Variants in FBXL13 observed in about 807,000 individuals in gnomAD.
FBXL13 encodes F-box and leucine-rich repeat protein 13.
A neutral mutation model predicts 83.6 loss-of-function variants in FBXL13; 67 were observed. That is an observed-to-expected ratio of 0.80 (90% CI 0.66 to 0.98). The LOEUF (loss-of-function observed/expected upper bound fraction) is 0.98. Among genes scored for constraint, FBXL13 ranks in the 50% least tolerant of loss-of-function variants. The pLI is 0.00. For synonymous variants in FBXL13, 272 were observed against 299.5 expected (o/e 0.91, Z 0.95); for missense variants, 822 against 866.5 (o/e 0.95, Z 0.64).
chr7:102,865,618 T>A (rs1193643175), intron 16 of FBXL13, among the ~76,000 whole-genome samples: 1 of 152,190 alleles, frequency 6.6e-6, no homozygotes, highest in Non-Finnish European at 1.5e-5. Flanking sequence ...CTCAGTTCAC[T>A]GCAACCTCTC....
At chr7:102,840,672 A>T (rs993916719) in intron 17 of FBXL13, among the ~76,000 whole-genome samples, 1 of 152,124 alleles carries the variant, frequency 6.6e-6, no homozygotes, top group African/African-American at 2.4e-5. Context: ...TTCACCTCCC[A>T]TTTGCGGACA....
chr7:102,973,808 C>T, intron 6 of FBXL13: 2 of 731,002 alleles, frequency 2.7e-6, no homozygotes, highest in South Asian at 2.8e-5. Context: ...AAGGAAAAAT[C>T]CATACAGCCT....
intron 14 of FBXL13, among the ~76,000 whole-genome samples, chr7:102,882,920 A>T (rs558166448): frequency 2.6e-5 from 4 of 152,258 alleles, no homozygotes; most frequent in African/African-American, 9.6e-5. Context: ...GGAAAAATCT[A>T]TCCAGTACCC....
intron 2 of FBXL13, among the ~76,000 whole-genome samples, chr7:103,051,199 A>C (rs1205963554): frequency 6.6e-6 from 1 of 152,218 alleles, no homozygotes; most frequent in Non-Finnish European, 1.5e-5. Context: ...AAAATGAAAC[A>C]AAGGGGTAGA....
chr7:102,908,556 G>C (rs1210722298), intron 11 of FBXL13, among the ~76,000 whole-genome samples: 1 of 152,210 alleles, frequency 6.6e-6, no homozygotes, highest in Non-Finnish European at 1.5e-5. Flanking sequence ...TTCTTGGGAA[G>C]GCCTTCCAGA....
At chr7:102,867,686 TATATA>T (rs1563016760) in intron 16 of FBXL13, among the ~76,000 whole-genome samples, 2 of 85,322 alleles carry the variant, frequency 2.3e-5, no homozygotes, top group East Asian at 4.1e-4. Context: ...TATATATATA[TATATA>T]TATATTTTTT....
At chr7:103,061,643 T>TA (rs1238522756) in intron 1 of FBXL13, among the ~76,000 whole-genome samples, 4 of 150,842 alleles carry the variant, frequency 2.7e-5, no homozygotes, top group East Asian at 3.9e-4. Context: ...ATTAGTCTCT[T>TA]AAAAAAAAAT....
intron 11 of FBXL13, among the ~76,000 whole-genome samples, chr7:102,887,178 C>T (rs1810912737): frequency 6.6e-6 from 1 of 152,076 alleles, no homozygotes; most frequent in Admixed American, 6.6e-5. Flanking sequence ...AAATGTGGTC[C>T]ATAGACCAGC....
intron 17 of FBXL13, among the ~76,000 whole-genome samples, chr7:102,850,316 A>C (rs1268059839): frequency 6.6e-6 from 1 of 152,130 alleles, no homozygotes; most frequent in Non-Finnish European, 1.5e-5. Flanking sequence ...AACTTTGGCC[A>C]ATACTCCTTC....
intron 6 of FBXL13, among the ~76,000 whole-genome samples, chr7:102,995,364 C>T (rs1239050514): frequency 1.3e-5 from 2 of 151,426 alleles, no homozygotes; most frequent in Non-Finnish European, 1.5e-5. Flanking sequence ...GCCTGTAGTC[C>T]CAACTACTCG....
Position 102,875,195 on chromosome 7 carries a change from C to A in FBXL13, c.1635+2272G>T, listed in dbSNP as rs117428890. 5.6e-4 allele frequency among the ~76,000 whole-genome samples: 86 copies of A among 152,298 alleles called. No homozygotes were observed. In the East Asian group the frequency reaches 0.014, roughly 26 times the overall value. ...AGGATAAAAATCCTGGGCCTTTAAG[C>A]TTCAAAAGCCCAAGCCCTGAAAGAC... On this transcript the variant is annotated intron_variant, in intron 16 of 19. Coordinates refer to ENST00000313221, the Ensembl canonical transcript of FBXL13.
At chr7:103,043,148 A>G (rs1369669348) in intron 2 of FBXL13, among the ~76,000 whole-genome samples, 1 of 152,234 alleles carries the variant, frequency 6.6e-6, no homozygotes, top group African/African-American at 2.4e-5. Context: ...ACCATATCAA[A>G]AAGTGGGCAA....
chr7:103,059,239 C>A (rs1797627579), intron 1 of FBXL13, among the ~76,000 whole-genome samples: 1 of 152,190 alleles, frequency 6.6e-6, no homozygotes, highest in South Asian at 2.1e-4. Flanking sequence ...TATCACAACA[C>A]TCTACTGCAG....
intron 2 of FBXL13, among the ~76,000 whole-genome samples, chr7:103,037,658 T>C (rs566260717): frequency 2.2e-4 from 34 of 151,806 alleles, no homozygotes; most frequent in African/African-American, 8.0e-4. Flanking sequence ...AAAAAAAAAT[T>C]AGCCAGGTGT....
At chr7:102,879,271 C>T (rs930112633) in intron 14 of FBXL13, among the ~76,000 whole-genome samples, 1 of 152,118 alleles carries the variant, frequency 6.6e-6, no homozygotes, top group East Asian at 1.9e-4. Context: ...TGCTGACATC[C>T]GTTTACACCC....
At chr7:102,851,897 T>C (rs546627692) in intron 17 of FBXL13, among the ~76,000 whole-genome samples, 10 of 152,272 alleles carry the variant, frequency 6.6e-5, no homozygotes, top group African/African-American at 1.9e-4. Context: ...GAAGAATCAA[T>C]TGAGCACGTA....
At chr7:102,863,706 G>C (rs962970731) in intron 16 of FBXL13, among the ~76,000 whole-genome samples, 2 of 152,196 alleles carry the variant, frequency 1.3e-5, no homozygotes, top group Non-Finnish European at 2.9e-5. Flanking sequence ...GGGGCCCATA[G>C]TTTAGAGAGA....
At chr7:103,025,372 A>AT in intron 5 of FBXL13, 142 bp from the exon 7 acceptor site, 1 of 517,638 alleles carries the variant, frequency 1.9e-6, no homozygotes, top group East Asian at 3.3e-5. Flanking sequence ...ATAAACTATA[A>AT]TTTTTCATAA....
intron 17 of FBXL13, among the ~76,000 whole-genome samples, chr7:102,837,900 A>C (rs1389783311): frequency 1.3e-5 from 2 of 152,210 alleles, no homozygotes; most frequent in African/African-American, 4.8e-5. Flanking sequence ...TATCTTCTGC[A>C]TTGACTGTAA....
Sources: gnomAD v4.1 joint callset for allele counts (sites outside exome capture counted in the v4.1 genomes callset) on GRCh38, gnomAD v4.1.1 for gene constraint, MANE v1.5 for transcripts, NCBI Gene and HGNC (gene_info 2026-07-23, HGNC 2026-07-21) for gene names.